The following FANCC variants were observed in gnomAD, a reference collection of about 807,000 sequenced individuals.
FANCC encodes the protein FA complementation group C, also known as Fanconi anemia group C protein.
A neutral mutation model predicts 71.3 loss-of-function variants in FANCC; 55 were observed. The observed-to-expected ratio is 0.77, with a 90% CI of 0.62 to 0.97. The LOEUF (loss-of-function observed/expected upper bound fraction) is 0.97. Ranked by LOEUF, FANCC falls within the 50% of genes least tolerant of loss-of-function variation. FANCC has a pLI of 0.00. For synonymous variants in FANCC, 275 were observed against 244.9 expected (o/e 1.12, Z -1.15); for missense variants, 678 against 670.9 (o/e 1.01, Z -0.12).
intron 4 of FANCC, among the ~76,000 whole-genome samples, chr9:95,223,249 C>T: frequency 6.6e-6 from 1 of 152,136 alleles, no homozygotes; most frequent in East Asian, 1.9e-4. Flanking sequence ...AGCAAGGTGT[C>T]CTAAGGGCTG....
chr9:95,116,206 G>A (rs142437599), intron 11 of FANCC, among the ~76,000 whole-genome samples: 49 of 152,330 alleles, frequency 3.2e-4, no homozygotes, highest in Non-Finnish European at 5.9e-4. Context: ...CTCACTCAGC[G>A]TCCCCTGTTG....
chr9:95,260,683 A>AT lies in FANCC; in HGVS notation c.-78-11315dup, dbSNP rs1353053664. Among the ~76,000 whole-genome samples the AT allele has an allele frequency of 1.2e-3, 148 of 127,282 alleles. 1 individual carries two copies. Among genetic ancestry groups the AT allele is most frequent in the Middle Eastern group, 3.8e-3 (1 of 264 alleles). 83.5% of individuals were successfully genotyped at this position (127,282 alleles called of 152,430 possible). On this transcript the variant is annotated intron_variant, in intron 1 of 14. Coordinates refer to ENST00000289081, the MANE Select transcript of FANCC (RefSeq NM_000136.3). ...CTGCACATGTATCTCAGAACTTAAA[A>AT]TATAAAAAAAAAAAAAAAACTTCCA...
chr9:95,243,006 TA>T (rs2136063429), intron 3 of FANCC, among the ~76,000 whole-genome samples: 1 of 152,360 alleles, frequency 6.6e-6, no homozygotes, highest in African/African-American at 2.4e-5. Flanking sequence ...GAAAGGAAGA[TA>T]ACAACATACA....
Position 95,247,505 on chromosome 9 carries a change from T to A in FANCC, c.177A>T (p.Thr59=). 1 of 1,612,738 alleles carries A rather than the reference T, an allele frequency of 6.2e-7. No individual in the cohort carries two copies. Among genetic ancestry groups the A allele is most frequent in the Non-Finnish European group, 8.5e-7 (1 of 1,178,916 alleles). ...YEALKEMDSN[T]VIERFPTIGQ... is the part of the protein sequence containing the mutation. ...CAATTGTGGGGAATCTTTCAATGAC[T>A]GTATTAGAATCCTGTGAAAGAAAAA... Residue 59 remains threonine (T), a synonymous_variant, in exon 3 of 15, where the codon ACA becomes ACT. Coordinates refer to ENST00000289081, the MANE Select transcript of FANCC (RefSeq NM_000136.3).
chr9:95,254,314 G>T (rs1338308393), intron 1 of FANCC, among the ~76,000 whole-genome samples: 1 of 152,240 alleles, frequency 6.6e-6, no homozygotes, highest in Non-Finnish European at 1.5e-5. Context: ...AACAGCTCTG[G>T]TCTGCAGCTC....
At chr9:95,230,451 T>C (rs1437364667) in intron 4 of FANCC, among the ~76,000 whole-genome samples, 1 of 152,172 alleles carries the variant, frequency 6.6e-6, no homozygotes, top group East Asian at 1.9e-4. Flanking sequence ...GTCCGGAATT[T>C]ATTCCTTCTT....
intron 4 of FANCC, among the ~76,000 whole-genome samples, chr9:95,208,165 T>C (rs990888458): frequency 3.1e-5 from 4 of 129,472 alleles, no homozygotes; most frequent in African/African-American, 1.1e-4. Context: ...TGGTGCAATC[T>C]CGGCTCACGG....
At chr9:95,122,287 AAC>A (rs1398351383) in intron 10 of FANCC, among the ~76,000 whole-genome samples, 4 of 152,214 alleles carry the variant, frequency 2.6e-5, no homozygotes, top group African/African-American at 4.8e-5. Context: ...TAATGAATAA[AAC>A]ACAGAGAGAA....
At position 95,151,892 on chromosome 9, in the gene FANCC, C is replaced by T. The variant is rs565163272; in HGVS notation, c.522-1805G>A. On this transcript the variant is annotated intron_variant, in intron 6 of 14. Transcript: ENST00000289081. ...GCAGTGAGCTGTGTTCATACCACTG[C>T]ACTCCAGCCTGGGAGACAAGAGCGA... Among the ~76,000 whole-genome samples the T allele has an allele frequency of 2.0e-5, 3 of 150,484 alleles. No homozygotes were observed. In the South Asian group the frequency reaches 6.3e-4, roughly 32 times the overall value.
chr9:95,114,518 G>T, intron 12 of FANCC, 111 bp downstream of exon 12: 1 of 964,246 alleles, frequency 1.0e-6, no homozygotes, highest in Non-Finnish European at 1.7e-6. Context: ...CCTGTTTGGT[G>T]ATGGTCCCAG....
intron 4 of FANCC, among the ~76,000 whole-genome samples, chr9:95,219,808 A>G (rs958799508): frequency 6.6e-6 from 1 of 152,240 alleles, no homozygotes; most frequent in East Asian, 1.9e-4. Flanking sequence ...GGCATGGACA[A>G]GGACTTCATG....
chr9:95,108,262 C>T (rs111617243), intron 13 of FANCC, among the ~76,000 whole-genome samples: 4,220 of 152,312 alleles, frequency 0.028, 98 homozygotes, highest in Admixed American at 0.041. Context: ...CACCATCGGG[C>T]TCTTCCACGG....
intron 1 of FANCC, among the ~76,000 whole-genome samples, chr9:95,270,043 A>G (rs1041232710): frequency 2.7e-4 from 41 of 152,256 alleles, no homozygotes; most frequent in Middle Eastern, 6.8e-3. Context: ...TTCAGAGAGC[A>G]CGGGGTTGGG....
At chr9:95,120,210 G>A (rs2072760893) in intron 10 of FANCC, among the ~76,000 whole-genome samples, 1 of 152,140 alleles carries the variant, frequency 6.6e-6, no homozygotes, top group Non-Finnish European at 1.5e-5. Flanking sequence ...GGTAATGTTT[G>A]AGGTTCATTT....
At position 95,150,019 on chromosome 9, in the gene FANCC, T is replaced by A. The variant is rs1064793625; in HGVS notation, c.590A>T (p.Asp197Val). ...CVPLITLTDV[D>V]PLVEALLICH... is the part of the protein sequence containing the mutation. ...GATGAGGAGAGCCTCCACCAGGGGG[T>A]CAACATCTGTCAGGGTAATAAGTGG... Residue 197 changes from aspartate to valine, a missense_variant, in exon 7 of 15, where the codon GAC (aspartate) becomes GTC (valine). Physicochemically the swap from Asp to Val is radical, Grantham distance 152. Coordinates refer to ENST00000289081, the MANE Select transcript of FANCC (RefSeq NM_000136.3). 1.9e-6 allele frequency: 3 copies of A among 1,613,934 alleles called. No individual in the cohort carries two copies. The highest frequency in any genetic ancestry group is 2.5e-6 in the Non-Finnish European group (3 of 1,179,966).
intron 13 of FANCC, among the ~76,000 whole-genome samples, chr9:95,109,380 C>G (rs1304217527): frequency 2.0e-5 from 3 of 152,080 alleles, no homozygotes; most frequent in African/African-American, 4.8e-5. Context: ...TTGCATGGAT[C>G]TCTATTCCCC....
intron 6 of FANCC, among the ~76,000 whole-genome samples, chr9:95,151,381 T>C (rs1279891522): frequency 6.6e-6 from 1 of 152,204 alleles, no homozygotes; most frequent in Non-Finnish European, 1.5e-5. Flanking sequence ...GGTATTTTCA[T>C]ATGTAATTGT....
At chr9:95,212,270 C>A (rs1233349163) in intron 4 of FANCC, among the ~76,000 whole-genome samples, 1 of 152,082 alleles carries the variant, frequency 6.6e-6, no homozygotes, top group Non-Finnish European at 1.5e-5. Flanking sequence ...TCTCGAAAGA[C>A]TCCAGCTAGG....
chr9:95,250,857 T>C (rs1337202405), intron 1 of FANCC, among the ~76,000 whole-genome samples: 1 of 152,234 alleles, frequency 6.6e-6, no homozygotes. Context: ...GAAAAAACTT[T>C]AGCAAATGTA....
Sources: gnomAD v4.1 joint callset for allele counts (sites outside exome capture counted in the v4.1 genomes callset) on GRCh38, gnomAD v4.1.1 for gene constraint, MANE v1.5 for transcripts, NCBI Gene and HGNC (gene_info 2026-07-23, HGNC 2026-07-21) for gene names.